SYT9: variants seen among roughly 807,000 people sequenced by gnomAD.
The protein encoded by SYT9 is synaptotagmin-9.
A neutral mutation model predicts 48.4 loss-of-function variants in SYT9; 22 were observed. That is an observed-to-expected ratio of 0.45 (90% CI 0.32 to 0.65). The LOEUF is 0.65. Among genes scored for constraint, SYT9 ranks in the 30% least tolerant of loss-of-function variants. The pLI is 0.03. For synonymous variants in SYT9, 265 were observed against 245.0 expected, an observed-to-expected ratio of 1.08 and a Z score of -0.76; for missense variants, 577 against 622.0, an observed-to-expected ratio of 0.93 and a Z score of 0.77.
chr11:7,357,559 T>C (rs1209956630), intron 3 of SYT9, among the ~76,000 whole-genome samples: 4 of 152,164 alleles, frequency 2.6e-5, no homozygotes, highest in African/African-American at 4.8e-5. Context: ...TAAGCTTCCA[T>C]ATATGCATTT....
chr11:7,273,906 G>A (rs1848340304), intron 1 of SYT9, among the ~76,000 whole-genome samples: 1 of 152,012 alleles, frequency 6.6e-6, no homozygotes, highest in African/African-American at 2.4e-5. Context: ...GTCAGGGGGT[G>A]GGGGACAAGG....
At position 7,466,343 on chromosome 11, in the gene SYT9, T is replaced by A. The variant is rs149592641; in HGVS notation, c.1468-449T>A. Among the ~76,000 whole-genome samples, 282 of 152,312 alleles carry A rather than the reference T, an allele frequency of 1.9e-3. 2 individuals are homozygous for A. Among genetic ancestry groups the A allele is most frequent in the Middle Eastern group, 3.4e-3 (1 of 292 alleles). ...CATAATATCTCCATCTGTGAGCCCT[T>A]TGAAAGCAGGGGGAGTGTCCTACTT... On this transcript the variant is annotated intron_variant, in intron 6 of 6. Transcript: ENST00000318881.
At chr11:7,350,567 TACAC>T (rs1409331838) in intron 3 of SYT9, among the ~76,000 whole-genome samples, 3 of 152,234 alleles carry the variant, frequency 2.0e-5, no homozygotes, top group Admixed American at 2.0e-4. Context: ...GCCTCATAGA[TACAC>T]ACCTCAAAAT....
At chr11:7,418,501 A>G (rs2134101024) in intron 5 of SYT9, among the ~76,000 whole-genome samples, 1 of 152,358 alleles carries the variant, frequency 6.6e-6, no homozygotes, top group South Asian at 2.1e-4. Context: ...CTTCATTGGA[A>G]GGATTCCACT....
intron 1 of SYT9, among the ~76,000 whole-genome samples, chr11:7,288,949 T>A (rs569275304): frequency 1.3e-5 from 2 of 152,346 alleles, no homozygotes; most frequent in African/African-American, 4.8e-5. Context: ...ATAGAGAGTG[T>A]CTCATGGCAA....
intron 6 of SYT9, among the ~76,000 whole-genome samples, chr11:7,432,895 C>T (rs1194093941): frequency 2.6e-5 from 4 of 151,796 alleles, no homozygotes; most frequent in African/African-American, 9.7e-5. Context: ...ATTGGGAACA[C>T]ATGGTTGTAT....
chr11:7,372,976 A>G (rs999141242), intron 3 of SYT9, among the ~76,000 whole-genome samples: 6 of 152,036 alleles, frequency 3.9e-5, no homozygotes, highest in African/African-American at 1.2e-4. Flanking sequence ...ATATTCCCCA[A>G]TATTTTTCTA....
At chr11:7,400,389 G>C (rs999861300) in intron 3 of SYT9, among the ~76,000 whole-genome samples, 2 of 152,212 alleles carry the variant, frequency 1.3e-5, no homozygotes, top group African/African-American at 2.4e-5. Flanking sequence ...TATACCTTCA[G>C]AGTCTGTCAG....
intron 6 of SYT9, chr11:7,428,136 T>G (rs1356925616): frequency 6.6e-6 from 1 of 152,216 alleles, no homozygotes; most frequent in Non-Finnish European, 1.5e-5. Flanking sequence ...TTTGTAGAGA[T>G]AGTAATCATA....
intron 3 of SYT9, among the ~76,000 whole-genome samples, chr11:7,359,218 T>G (rs1300441293): frequency 7.3e-5 from 9 of 122,534 alleles, no homozygotes; most frequent in African/African-American, 2.8e-4. Flanking sequence ...CCATGGTGTA[T>G]ATGTGCCACA....
At chr11:7,284,600 G>T (rs1848563078) in intron 1 of SYT9, among the ~76,000 whole-genome samples, 2 of 151,718 alleles carry the variant, frequency 1.3e-5, no homozygotes, top group African/African-American at 4.8e-5. Flanking sequence ...TCTGCTTCTA[G>T]ATCTCTTTAT....
chr11:7,319,717 T>C (rs1849306229), intron 3 of SYT9, among the ~76,000 whole-genome samples: 1 of 152,188 alleles, frequency 6.6e-6, no homozygotes, highest in African/African-American at 2.4e-5. Flanking sequence ...AATATCTGTT[T>C]AATAAGCAGG....
intron 1 of SYT9, among the ~76,000 whole-genome samples, chr11:7,286,922 A>G (rs2133912072): frequency 6.6e-6 from 1 of 152,300 alleles, no homozygotes; most frequent in Admixed American, 6.5e-5. Flanking sequence ...ACTTTCCCAC[A>G]TCTTCCTGTC....
chr11:7,409,904 C>T (rs934986883), intron 3 of SYT9, among the ~76,000 whole-genome samples: 8 of 151,628 alleles, frequency 5.3e-5, no homozygotes, highest in Non-Finnish European at 1.2e-4. Flanking sequence ...TTGGTTTATT[C>T]TTGCTTTTGT....
chr11:7,360,245 G>C (rs1351501595), intron 3 of SYT9, among the ~76,000 whole-genome samples: 1 of 152,080 alleles, frequency 6.6e-6, no homozygotes, highest in Non-Finnish European at 1.5e-5. Flanking sequence ...TGCTGTTTTG[G>C]TTACTGTAGA....
At chr11:7,375,199 T>G (rs1435221181) in intron 3 of SYT9, among the ~76,000 whole-genome samples, 1 of 152,216 alleles carries the variant, frequency 6.6e-6, no homozygotes, top group Non-Finnish European at 1.5e-5. Context: ...TACTTGCTTT[T>G]GTCAGATTTG....
In SYT9 at chr11:7,254,026, C is replaced by A. The variant is rs149939944; in HGVS notation, c.145+1695C>A. 1.3e-3 allele frequency among the ~76,000 whole-genome samples: 196 copies of A among 152,230 alleles called. 1 individual carries two copies. Among genetic ancestry groups the A allele is most frequent in the African/African-American group, 4.0e-3 (168 of 41,518 alleles). The stretch of plus-strand genomic sequence containing the variant: ...TATCTCTGAATCACATCTTTTTGGC[C>A]AGTTTTCTGCTTCTACTCCTTTTAA... On this transcript the variant is annotated intron_variant, in intron 1 of 6. Transcript: ENST00000318881.
intron 2 of SYT9, among the ~76,000 whole-genome samples, chr11:7,311,678 G>C (rs965078790): frequency 6.6e-6 from 1 of 152,132 alleles, no homozygotes. Flanking sequence ...GACATTTTTT[G>C]AAGAAAAAAT....
Position 7,313,768 on chromosome 11 carries a change from T to C in SYT9, c.871T>C (p.Phe291Leu), listed in dbSNP as rs753531614. 6.2e-7 allele frequency: 1 copy of C among 1,614,202 alleles called. No individual in the cohort carries two copies. Among genetic ancestry groups the C allele is most frequent in the South Asian group, 1.1e-5 (1 of 91,086 alleles). The change falls in exon 3 of 7, where the codon TTT becomes CTT. Residue 291 changes from phenylalanine to leucine, a missense_variant. Transcript: ENST00000318881. ...LNPVFDEVFL[F>L]PVPYNDLEAR... is the part of the protein sequence containing the mutation. ...CCCTGTGTTTGATGAAGTGTTTTTA[T>C]TTCCGGTTCCCTACAATGACCTTGA...
Sources: allele counts gnomAD v4.1 joint callset (sites outside exome capture counted in the v4.1 genomes callset), GRCh38; gene constraint gnomAD v4.1.1; transcripts MANE v1.5; gene names NCBI Gene and HGNC (gene_info 2026-07-23, HGNC 2026-07-21).